The following NRG1 variants were observed in gnomAD, a reference collection of about 807,000 sequenced individuals.
NRG1 encodes the protein neuregulin 1, also known as pro-neuregulin-1, membrane-bound isoform.
NRG1 carries 18 observed loss-of-function variants against 63.8 expected under a neutral mutation model. That is an observed-to-expected ratio of 0.28 (90% confidence interval 0.19 to 0.42). The LOEUF (loss-of-function observed/expected upper bound fraction) is 0.42. Ranked by LOEUF, NRG1 falls within the 10% of genes least tolerant of loss-of-function variation. NRG1 has a pLI of 1.00. For synonymous variants in NRG1, 302 were observed against 301.3 expected, an observed-to-expected ratio of 1.00 and a Z score of -0.02; for missense variants, 762 against 814.7, an observed-to-expected ratio of 0.94 and a Z score of 0.79.
At chr8:32,471,038 G>A (rs1823783894) in intron 1 of NRG1, among the ~76,000 whole-genome samples, 1 of 152,184 alleles carries the variant, frequency 6.6e-6, no homozygotes, top group Admixed American at 6.5e-5. Context: ...CTAGGCGCAA[G>A]CAATCCTCCC....
downstream of NRG1, among the ~76,000 whole-genome samples, chr8:32,772,039 ATGTATATATATATATATATATAT>A (rs1831852149): frequency 2.2e-5 from 1 of 45,290 alleles, no homozygotes; most frequent in African/African-American, 8.7e-5. Flanking sequence ...AAAAAAAAAT[ATGTATATATATATATATATATAT>A]ATATATATAT....
chr8:32,050,029 A>T (rs187135157), intron 1 of NRG1, among the ~76,000 whole-genome samples: 54 of 152,242 alleles, frequency 3.5e-4, no homozygotes, highest in Admixed American at 3.5e-3. Context: ...TTTGGTTAGG[A>T]ATATAGATTA....
At position 32,622,263 on chromosome 8, in the gene NRG1, G is replaced by A. The variant is rs369220744; in HGVS notation, c.502+5378G>A. Among the ~76,000 whole-genome samples the A allele has an allele frequency of 7.9e-5, 12 of 152,238 alleles. No homozygotes were observed. In the East Asian group the frequency reaches 1.2e-3, roughly 15 times the overall value. On this transcript the variant is annotated intron_variant, in intron 5 of 11. Transcript: ENST00000356819. The stretch of plus-strand genomic sequence containing the variant: ...ATCTCACTACTACACTCCAGCCTGG[G>A]CAACAGAGACCCTGTCTCAAAAATA...
At chr8:32,115,828 T>G (rs952210193) in intron 1 of NRG1, among the ~76,000 whole-genome samples, 1 of 152,152 alleles carries the variant, frequency 6.6e-6, no homozygotes, top group African/African-American at 2.4e-5. Flanking sequence ...TAATTAATCA[T>G]AGAGCCCAAA....
At chr8:32,739,753 T>G (rs551693570) in intron 6 of NRG1, among the ~76,000 whole-genome samples, 53 of 152,290 alleles carry the variant, frequency 3.5e-4, no homozygotes, top group African/African-American at 1.2e-3. Flanking sequence ...ATTTGTTAAT[T>G]TAATGATTCT....
At chr8:32,383,642 A>G (rs1810629608) in intron 1 of NRG1, among the ~76,000 whole-genome samples, 1 of 152,178 alleles carries the variant, frequency 6.6e-6, no homozygotes, top group South Asian at 2.1e-4. Flanking sequence ...CATAGATGTG[A>G]CTGCCAGCTT....
At chr8:32,667,198 C>T (rs990911740) in intron 5 of NRG1, among the ~76,000 whole-genome samples, 8 of 152,160 alleles carry the variant, frequency 5.3e-5, no homozygotes, top group Admixed American at 2.6e-4. Flanking sequence ...GTAACACAAT[C>T]GTAAGTATTT....
intron 1 of NRG1, among the ~76,000 whole-genome samples, chr8:31,974,557 A>G (rs1457506162): frequency 6.6e-6 from 1 of 152,096 alleles, no homozygotes; most frequent in Non-Finnish European, 1.5e-5. Context: ...CAGTCTATTC[A>G]TTCAGTCATC....
intron 1 of NRG1, among the ~76,000 whole-genome samples, chr8:31,761,831 G>A (rs549712593): frequency 6.6e-6 from 1 of 152,196 alleles, no homozygotes; most frequent in African/African-American, 2.4e-5. Context: ...AGCACATGCT[G>A]TTGGAAAAAT....
At chr8:32,135,359 G>C (rs548176279) in intron 1 of NRG1, among the ~76,000 whole-genome samples, 1 of 152,172 alleles carries the variant, frequency 6.6e-6, no homozygotes, top group Non-Finnish European at 1.5e-5. Flanking sequence ...TGGGAGATGA[G>C]TTAGAAGATT....
intron 1 of NRG1, among the ~76,000 whole-genome samples, chr8:32,229,523 C>T (rs537580508): frequency 6.6e-6 from 1 of 152,234 alleles, no homozygotes; most frequent in African/African-American, 2.4e-5. Context: ...CAGTTTCCAG[C>T]TCTCTGGCAA....
chr8:32,522,636 TG>T (rs1337331540), intron 1 of NRG1, among the ~76,000 whole-genome samples: 2 of 152,222 alleles, frequency 1.3e-5, no homozygotes, highest in Non-Finnish European at 2.9e-5. Flanking sequence ...ATTAGGAACT[TG>T]ATTCAACAAT....
chr8:32,222,057 ACACACACATG>A (rs1317717573), intron 1 of NRG1, among the ~76,000 whole-genome samples: 2 of 151,990 alleles, frequency 1.3e-5, no homozygotes, highest in African/African-American at 2.4e-5. Context: ...ACACACACAC[ACACACACATG>A]CACACACACT....
chr8:32,259,463 C>T (rs1850118393), intron 1 of NRG1, among the ~76,000 whole-genome samples: 1 of 152,132 alleles, frequency 6.6e-6, no homozygotes, highest in South Asian at 2.1e-4. Context: ...GCCATGGGAT[C>T]ACCATCCCCA....
chr8:32,670,571 T>G (rs1382507452), intron 5 of NRG1, among the ~76,000 whole-genome samples: 1 of 152,182 alleles, frequency 6.6e-6, no homozygotes, highest in Non-Finnish European at 1.5e-5. Flanking sequence ...CAGGGAAACA[T>G]ATCAAGATAT....
intron 1 of NRG1, among the ~76,000 whole-genome samples, chr8:32,081,147 G>A (rs1166204864): frequency 6.6e-6 from 1 of 152,040 alleles, no homozygotes; most frequent in Non-Finnish European, 1.5e-5. Flanking sequence ...AAATATCCAG[G>A]GACCAGGGAC....
intron 1 of NRG1, among the ~76,000 whole-genome samples, chr8:32,494,481 C>T (rs1031738366): frequency 6.6e-6 from 1 of 151,958 alleles, no homozygotes; most frequent in African/African-American, 2.4e-5. Flanking sequence ...TAATCCTACC[C>T]AGCTGAAATG....
intron 7 of NRG1, among the ~76,000 whole-genome samples, chr8:32,743,642 C>T (rs1438762546): frequency 7.1e-6 from 1 of 140,886 alleles, no homozygotes; most frequent in African/African-American, 2.6e-5. Context: ...GATAGATGTT[C>T]GTGGCTTCCT....
chr8:32,650,858 C>A (rs758873689), intron 5 of NRG1, among the ~76,000 whole-genome samples: 6 of 151,968 alleles, frequency 3.9e-5, no homozygotes, highest in Non-Finnish European at 7.4e-5. Flanking sequence ...ACTTTATTCT[C>A]CCGTTTCCAT....
Sources: allele counts gnomAD v4.1 joint callset (sites outside exome capture counted in the v4.1 genomes callset), GRCh38; gene constraint gnomAD v4.1.1; transcripts MANE v1.5; gene names NCBI Gene and HGNC (gene_info 2026-07-23, HGNC 2026-07-21).